Variants in PCDH15 observed in about 807,000 individuals in gnomAD.
PCDH15 encodes the protein protocadherin-15.
PCDH15 carries 129 observed loss-of-function variants against 178.5 expected under a neutral mutation model. The ratio of observed to expected loss-of-function variants is 0.72; its 90% CI spans 0.63 to 0.84. The LOEUF is 0.84. Among genes scored for constraint, PCDH15 ranks in the 40% least tolerant of loss-of-function variants. The pLI, the probability that PCDH15 is intolerant of heterozygous loss-of-function variation, is 0.00. For synonymous variants in PCDH15, 800 were observed against 732.0 expected (o/e 1.09, Z -1.50); for missense variants, 2,230 against 2,099.9 (o/e 1.06, Z -1.21).
At chr10:54,304,690 A>T (rs143690943) in intron 8 of PCDH15, among the ~76,000 whole-genome samples, 2,583 of 152,164 alleles carry the variant, frequency 0.017, 19 homozygotes, top group Non-Finnish European at 0.026. Context: ...CTTTTAAAAG[A>T]TTACCCTGAT....
At chr10:54,637,002 C>CA (rs1436104545) in intron 2 of PCDH15, among the ~76,000 whole-genome samples, 1 of 151,560 alleles carries the variant, frequency 6.6e-6, no homozygotes, top group East Asian at 1.9e-4. Context: ...AAAAGCCTTT[C>CA]AAACTTTTAT....
chr10:54,326,135 C>T (rs977075642), intron 7 of PCDH15, among the ~76,000 whole-genome samples: 2 of 152,132 alleles, frequency 1.3e-5, no homozygotes, highest in Non-Finnish European at 2.9e-5. Flanking sequence ...AGCATGGCTG[C>T]AAATGTGAGA....
intron 15 of PCDH15, among the ~76,000 whole-genome samples, chr10:54,125,261 A>C (rs529612275): frequency 6.6e-6 from 1 of 151,970 alleles, no homozygotes; most frequent in Non-Finnish European, 1.5e-5. Flanking sequence ...TATACCTGTT[A>C]TTGCAGTTTC....
intron 2 of PCDH15, among the ~76,000 whole-genome samples, chr10:55,047,187 A>G (rs1232385484): frequency 6.6e-6 from 1 of 151,932 alleles, no homozygotes; most frequent in Non-Finnish European, 1.5e-5. Context: ...CATTATTAGT[A>G]TGGTTGAAAT....
chr10:53,959,431 T>G (rs983610695), intron 23 of PCDH15, among the ~76,000 whole-genome samples: 1 of 151,982 alleles, frequency 6.6e-6, no homozygotes, highest in Admixed American at 6.6e-5. Flanking sequence ...AAGATCTATT[T>G]CTCACCATTC....
chr10:54,489,990 C>G (rs529381394), intron 3 of PCDH15, among the ~76,000 whole-genome samples: 38 of 152,062 alleles, frequency 2.5e-4, no homozygotes, highest in Admixed American at 1.7e-3. Context: ...AAATCTGATC[C>G]TAAAATGAAA....
intron 1 of PCDH15, among the ~76,000 whole-genome samples, chr10:55,167,209 G>A (rs550940555): frequency 6.6e-6 from 1 of 152,224 alleles, no homozygotes; most frequent in African/African-American, 2.4e-5. Context: ...AACCACCTGG[G>A]CTCAAGCTAT....
chr10:55,378,074 G>A (rs1164439280), intron 2 of PCDH15, among the ~76,000 whole-genome samples: 1 of 152,062 alleles, frequency 6.6e-6, no homozygotes, highest in Non-Finnish European at 1.5e-5. Context: ...GGGTGCTACG[G>A]GGAGGGATAG....
chr10:53,809,468 C>T (rs200609901), intron 37 of PCDH15: 8 of 1,613,882 alleles, frequency 5.0e-6, no homozygotes, highest in African/African-American at 2.7e-5. Context: ...GGTGGTTTTT[C>T]GATAGTTACA....
At chr10:55,523,701 G>A (rs1464560873) in intron 2 of PCDH15, among the ~76,000 whole-genome samples, 3 of 151,442 alleles carry the variant, frequency 2.0e-5, no homozygotes, top group Non-Finnish European at 4.4e-5. Flanking sequence ...CTATTTCCAT[G>A]AGTTCAACCT....
intron 3 of PCDH15, among the ~76,000 whole-genome samples, chr10:54,489,002 T>C (rs939892773): frequency 6.6e-5 from 10 of 152,018 alleles, no homozygotes; most frequent in Non-Finnish European, 1.5e-4. Context: ...AATTACTTAG[T>C]CTGATTTTAA....
At chr10:55,081,857 G>A (rs1004561063) in intron 2 of PCDH15, among the ~76,000 whole-genome samples, 2 of 152,014 alleles carry the variant, frequency 1.3e-5, no homozygotes, top group African/African-American at 4.8e-5. Context: ...AATAATAAAG[G>A]GGTCAATTCA....
At chr10:55,059,434 C>G (rs907906538) in intron 2 of PCDH15, among the ~76,000 whole-genome samples, 1 of 152,126 alleles carries the variant, frequency 6.6e-6, no homozygotes, top group Non-Finnish European at 1.5e-5. Context: ...AAATGGACAA[C>G]TCAATATATG....
chr10:53,936,910 A>C (rs1281953984), intron 25 of PCDH15, among the ~76,000 whole-genome samples: 1 of 152,162 alleles, frequency 6.6e-6, no homozygotes, highest in Non-Finnish European at 1.5e-5. Flanking sequence ...TGGGCTGGGG[A>C]TTGACTATAG....
At chr10:54,707,715 C>G (rs1199271237) in intron 1 of PCDH15, among the ~76,000 whole-genome samples, 1 of 152,064 alleles carries the variant, frequency 6.6e-6, no homozygotes, top group Non-Finnish European at 1.5e-5. Flanking sequence ...GAAAAACTGG[C>G]TATTTCATTT....
intron 8 of PCDH15, among the ~76,000 whole-genome samples, chr10:54,285,730 A>C (rs2132839966): frequency 6.6e-6 from 1 of 152,302 alleles, no homozygotes; most frequent in East Asian, 1.9e-4. Flanking sequence ...ACACATCCAA[A>C]GGAAATGAAA....
chr10:55,068,993 G>C (rs1841643041), intron 2 of PCDH15, among the ~76,000 whole-genome samples: 1 of 151,952 alleles, frequency 6.6e-6, no homozygotes, highest in Non-Finnish European at 1.5e-5. Context: ...CACCTCCTGG[G>C]TTCAAGCGAT....
upstream of PCDH15, among the ~76,000 whole-genome samples, chr10:55,321,995 T>G (rs373283054): frequency 1.2e-4 from 18 of 152,278 alleles, no homozygotes; most frequent in East Asian, 1.2e-3. Flanking sequence ...GGATCAAAAC[T>G]GCAAATATCA....
At chr10:54,076,639 T>A (rs2094347367) in intron 17 of PCDH15, among the ~76,000 whole-genome samples, 3 of 151,976 alleles carry the variant, frequency 2.0e-5, no homozygotes, top group African/African-American at 7.3e-5. Flanking sequence ...AAAAATAAAT[T>A]ACATGACACA....
Sources: gnomAD v4.1 joint callset for allele counts (sites outside exome capture counted in the v4.1 genomes callset) on GRCh38, gnomAD v4.1.1 for gene constraint, MANE v1.5 for transcripts, NCBI Gene and HGNC (gene_info 2026-07-23, HGNC 2026-07-21) for gene names.